Variants in NRG1 observed in about 807,000 individuals in gnomAD.
NRG1 encodes the protein pro-neuregulin-1, membrane-bound isoform.
NRG1 carries 18 observed loss-of-function variants against 63.8 expected under a neutral mutation model. The ratio of observed to expected loss-of-function variants is 0.28; its 90% CI spans 0.19 to 0.42. The LOEUF is 0.42. Among genes scored for constraint, NRG1 ranks in the 10% least tolerant of loss-of-function variants. The pLI is 1.00. For synonymous variants in NRG1, 302 were observed against 301.3 expected, an observed-to-expected ratio of 1.00 and a Z score of -0.02; for missense variants, 762 against 814.7, an observed-to-expected ratio of 0.94 and a Z score of 0.79.
intron 1 of NRG1, among the ~76,000 whole-genome samples, chr8:32,407,300 A>G (rs1167404708): frequency 2.5e-4 from 2 of 7,964 alleles, no homozygotes; most frequent in Admixed American, 4.0e-3. Flanking sequence ...TATATTATAT[A>G]TATATATATA....
chr8:32,133,635 CATT>C (rs1164504462), intron 1 of NRG1, among the ~76,000 whole-genome samples: 6 of 152,104 alleles, frequency 3.9e-5, no homozygotes, highest in Non-Finnish European at 7.4e-5. Context: ...TTTTATCACT[CATT>C]ATTAATGCTT....
chr8:31,874,011 G>A (rs367580389), intron 1 of NRG1, among the ~76,000 whole-genome samples: 1 of 152,080 alleles, frequency 6.6e-6, no homozygotes, highest in African/African-American at 2.4e-5. Flanking sequence ...TGGAGTCTTC[G>A]ATAAATATGT....
Position 31,642,188 on chromosome 8 carries a change from G to A in NRG1, c.37+2757G>A, listed in dbSNP as rs556413028. On this transcript the variant is annotated intron_variant, in intron 1 of 10. Coordinates refer to the NRG1 transcript ENST00000519301. ...CTGGGAGCTGTCTTATTAGGCAACC[G>A]AAAAGCTCAGCACCATCGTACTGCA... Among the ~76,000 whole-genome samples, 10 of 152,104 alleles carry A rather than the reference G, an allele frequency of 6.6e-5. No individual in the cohort carries two copies. The South Asian group carries it at 1.2e-3, about 19-fold the overall frequency.
intron 1 of NRG1, among the ~76,000 whole-genome samples, chr8:32,082,396 G>A (rs1220364365): frequency 1.3e-5 from 2 of 151,914 alleles, no homozygotes; most frequent in Non-Finnish European, 2.9e-5. Context: ...AGGCCCCAGT[G>A]TCTCTTTTTC....
chr8:31,666,730 T>A (rs1466782923), intron 1 of NRG1, among the ~76,000 whole-genome samples: 2 of 152,180 alleles, frequency 1.3e-5, no homozygotes, highest in African/African-American at 4.8e-5. Context: ...GGTGGCTAGA[T>A]GAAATTGAAT....
chr8:31,748,327 A>T (rs1816102875), intron 1 of NRG1, among the ~76,000 whole-genome samples: 1 of 151,968 alleles, frequency 6.6e-6, no homozygotes, highest in East Asian at 1.9e-4. Flanking sequence ...CAATAATCTT[A>T]TGGGTACTGC....
intron 1 of NRG1, among the ~76,000 whole-genome samples, chr8:32,092,968 C>T (rs569175450): frequency 3.9e-5 from 6 of 152,104 alleles, no homozygotes; most frequent in Non-Finnish European, 7.3e-5. Flanking sequence ...CACTGGGATA[C>T]GTATCTTGGC....
At chr8:32,428,282 A>C (rs1404264891) in intron 1 of NRG1, among the ~76,000 whole-genome samples, 1 of 152,182 alleles carries the variant, frequency 6.6e-6, no homozygotes, top group Non-Finnish European at 1.5e-5. Context: ...ATATGGGTGA[A>C]ATGTAATAAA....
At chr8:32,701,565 G>A (rs946413424) in intron 5 of NRG1, among the ~76,000 whole-genome samples, 1 of 152,022 alleles carries the variant, frequency 6.6e-6, no homozygotes, top group Non-Finnish European at 1.5e-5. Context: ...TTTTTCAAAA[G>A]GTTTCATATC....
chr8:32,648,332 A>G (rs1563849735), intron 5 of NRG1: 6 of 1,614,060 alleles, frequency 3.7e-6, no homozygotes, highest in African/African-American at 2.7e-5. Context: ...CGCCCAAGTC[A>G]GCAACTCAGC....
chr8:31,946,571 T>C (rs1047035378), intron 1 of NRG1, among the ~76,000 whole-genome samples: 3 of 151,682 alleles, frequency 2.0e-5, no homozygotes, highest in African/African-American at 7.3e-5. Context: ...AGAGAATATC[T>C]GTGATGCACT....
At chr8:31,904,766 T>TA (rs1832384428) in intron 1 of NRG1, among the ~76,000 whole-genome samples, 1 of 152,054 alleles carries the variant, frequency 6.6e-6, no homozygotes, top group African/African-American at 2.4e-5. Flanking sequence ...CTAAGCAAAC[T>TA]AACACTGAAA....
At chr8:32,256,844 C>G (rs191986951) in intron 1 of NRG1, among the ~76,000 whole-genome samples, 2 of 152,074 alleles carry the variant, frequency 1.3e-5, no homozygotes, top group Non-Finnish European at 2.9e-5. Flanking sequence ...TCTTCAGAGC[C>G]GGCAGGAAGG....
intron 1 of NRG1, among the ~76,000 whole-genome samples, chr8:31,801,299 G>C (rs911419159): frequency 6.6e-6 from 1 of 152,100 alleles, no homozygotes; most frequent in Non-Finnish European, 1.5e-5. Flanking sequence ...ATGGTGTTTT[G>C]TTTCTATTGA....
chr8:32,639,406 A>AAAAT (rs1318240464), intron 5 of NRG1, among the ~76,000 whole-genome samples: 3 of 152,168 alleles, frequency 2.0e-5, no homozygotes, highest in African/African-American at 7.2e-5. Flanking sequence ...ATTCCATTTC[A>AAAAT]AAATAAATAA....
chr8:32,517,043 T>A (rs1829890456), intron 1 of NRG1, among the ~76,000 whole-genome samples: 1 of 152,138 alleles, frequency 6.6e-6, no homozygotes, highest in Admixed American at 6.6e-5. Context: ...TAAAAATGAG[T>A]AATTTTATGT....
intron 1 of NRG1, among the ~76,000 whole-genome samples, chr8:31,774,540 G>A (rs1257856542): frequency 6.6e-6 from 1 of 152,066 alleles, no homozygotes; most frequent in Non-Finnish European, 1.5e-5. Context: ...GGCATAGTCG[G>A]GGGTCAAGTC....
At position 32,280,687 on chromosome 8, in the gene NRG1, TTTTG is replaced by T. The variant is rs1437525752; in HGVS notation, c.38-315137_38-315134del. Among the ~76,000 whole-genome samples, 417 of 104,512 alleles carry T rather than the reference TTTTG, an allele frequency of 4.0e-3. 43 individuals carry two copies. Among genetic ancestry groups the T allele is most frequent in the East Asian group, 0.017 (65 of 3,828 alleles). The allele number at this position is 104,512 out of a possible 152,430, so 68.6% of individuals were successfully genotyped here. A position where few individuals can be genotyped will look rare whatever the true frequency, so the allele number is the denominator to read the frequency against. The stretch of plus-strand genomic sequence containing the variant: ...TTCATGCAACTGAATTAGGTTTTTT[TTTTG>T]TTTTTTTTTTTTTTTTTTTTTTTCA... On this transcript the variant is annotated intron_variant, in intron 1 of 10. Coordinates refer to the NRG1 transcript ENST00000519301.
chr8:32,410,379 G>A (rs1360548971), intron 1 of NRG1, among the ~76,000 whole-genome samples: 1 of 151,490 alleles, frequency 6.6e-6, no homozygotes, highest in African/African-American at 2.4e-5. Context: ...CAGGGTCTCA[G>A]CATGTTCCCC....
Sources: gnomAD v4.1 joint callset for allele counts (sites outside exome capture counted in the v4.1 genomes callset) on GRCh38, gnomAD v4.1.1 for gene constraint, MANE v1.5 for transcripts, NCBI Gene and HGNC (gene_info 2026-07-23, HGNC 2026-07-21) for gene names.